Variants in DDC observed in about 807,000 individuals in gnomAD.
DDC encodes dopa decarboxylase.
DDC carries 43 observed loss-of-function variants against 60.0 expected under a neutral mutation model. The observed-to-expected ratio is 0.72, with a 90% CI of 0.56 to 0.92. The LOEUF is 0.92. DDC is among the 40% of genes least tolerant of loss of function. The pLI is 0.00. For synonymous variants in DDC, 232 were observed against 234.6 expected (o/e 0.99, Z 0.10); for missense variants, 573 against 620.2 (o/e 0.92, Z 0.81).
chr7:50,459,930 G>T (rs1432456617), intron 14 of DDC, among the ~76,000 whole-genome samples: 2 of 143,408 alleles, frequency 1.4e-5, no homozygotes, highest in East Asian at 2.1e-4. Flanking sequence ...GGAGGGAGGT[G>T]GGGGGGTCAG....
intron 1 of DDC, among the ~76,000 whole-genome samples, chr7:50,547,155 T>G (rs1201439201): frequency 1.3e-5 from 2 of 152,208 alleles, no homozygotes; most frequent in Non-Finnish European, 2.9e-5. Flanking sequence ...TAGCCTGTTT[T>G]TCTTTACTAA....
chr7:50,475,414 G>A (rs1021166435), intron 11 of DDC, among the ~76,000 whole-genome samples: 3 of 152,156 alleles, frequency 2.0e-5, no homozygotes, highest in Admixed American at 2.0e-4. Context: ...CTCCCTGGGT[G>A]TAGAGCTGGG....
chr7:50,503,733 A>G (rs1179027355), intron 7 of DDC, among the ~76,000 whole-genome samples: 2 of 152,224 alleles, frequency 1.3e-5, no homozygotes, highest in African/African-American at 2.4e-5. Flanking sequence ...GCAATTTTAC[A>G]TAACTTCTAT....
intron 6 of DDC, among the ~76,000 whole-genome samples, chr7:50,522,598 G>C (rs752970643): frequency 6.6e-6 from 1 of 152,174 alleles, no homozygotes; most frequent in Non-Finnish European, 1.5e-5. Flanking sequence ...AAATAGATCC[G>C]CACAAATGAA....
chr7:50,474,193 C>T (rs746830896), intron 11 of DDC, among the ~76,000 whole-genome samples: 1 of 152,246 alleles, frequency 6.6e-6, no homozygotes, highest in Non-Finnish European at 1.5e-5. Flanking sequence ...GTAGAGATAA[C>T]TAGTAGAGAT....
intron 12 of DDC, 88 bp from the exon 13 acceptor site, chr7:50,467,403 G>T: frequency 9.1e-7 from 1 of 1,098,594 alleles, no homozygotes. Context: ...GACTGCCCAT[G>T]TATAATTCAT....
intron 1 of DDC, among the ~76,000 whole-genome samples, chr7:50,555,142 A>T (rs2045138695): frequency 6.6e-6 from 1 of 152,128 alleles, no homozygotes; most frequent in East Asian, 1.9e-4. Context: ...GTCAGCAGGC[A>T]TGGAGGAGGA....
intron 13 of DDC, among the ~76,000 whole-genome samples, chr7:50,465,707 T>C (rs2042379992): frequency 6.6e-6 from 1 of 152,232 alleles, no homozygotes; most frequent in African/African-American, 2.4e-5. Context: ...GTGAATTATA[T>C]CTCAATAGAA....
chr7:50,509,668 T>C (rs1169124562), intron 6 of DDC, among the ~76,000 whole-genome samples: 1 of 152,222 alleles, frequency 6.6e-6, no homozygotes, highest in Non-Finnish European at 1.5e-5. Context: ...AATGAATGAA[T>C]GAATGAATGA....
In DDC at chr7:50,538,077, G is replaced by A. The variant is rs1175113975; in HGVS notation, c.316-98C>T. 3.5e-6 allele frequency: 5 copies of A among 1,439,216 alleles called. No individual in the cohort carries two copies. The East Asian group carries it at 6.9e-5, about 20-fold the overall frequency. 89.2% of individuals were successfully genotyped at this position (1,439,216 alleles called of 1,614,324 possible). ...GGATTTAACCTTCCACTAAAGCCCA[G>A]ATTAAAATCACCCAATCTCAGATGT... On this transcript the variant is annotated intron_variant, in intron 3 of 14. Transcript: ENST00000444124.
At chr7:50,485,414 A>G (rs2042861139) in intron 9 of DDC, among the ~76,000 whole-genome samples, 5 of 152,240 alleles carry the variant, frequency 3.3e-5, no homozygotes, top group African/African-American at 1.2e-4. Context: ...GAGTACAACC[A>G]AAGTGTTTAT....
At chr7:50,531,283 A>C (rs879402839) in intron 4 of DDC, among the ~76,000 whole-genome samples, 2 of 152,082 alleles carry the variant, frequency 1.3e-5, no homozygotes, top group Non-Finnish European at 2.9e-5. Context: ...CACTTCTCCT[A>C]TGTACCCCAT....
intron 9 of DDC, chr7:50,492,993 T>C (rs762337892): frequency 1.3e-6 from 2 of 1,598,020 alleles, no homozygotes; most frequent in South Asian, 1.1e-5. Flanking sequence ...ACATACGCAC[T>C]GGTTGTCTGG....
intron 6 of DDC, among the ~76,000 whole-genome samples, chr7:50,514,060 C>T (rs114862633): frequency 0.013 from 1,931 of 152,272 alleles, 49 homozygotes; most frequent in African/African-American, 0.044. Flanking sequence ...AGAACCCTCA[C>T]GGAGTCCATT....
At chr7:50,460,282 G>C (rs2042239518) in intron 14 of DDC, among the ~76,000 whole-genome samples, 1 of 144,330 alleles carries the variant, frequency 6.9e-6, no homozygotes, top group South Asian at 2.2e-4. Context: ...GGAGGTGAGG[G>C]GCGCCTCTGC....
chr7:50,508,355 G>A (rs959645494), intron 6 of DDC, among the ~76,000 whole-genome samples: 3 of 152,314 alleles, frequency 2.0e-5, no homozygotes, highest in Non-Finnish European at 4.4e-5. Flanking sequence ...GAGGGGTAGG[G>A]GACAGTTCAG....
intron 14 of DDC, among the ~76,000 whole-genome samples, chr7:50,459,297 C>G (rs1262233200): frequency 1.3e-5 from 2 of 152,196 alleles, no homozygotes; most frequent in Non-Finnish European, 2.9e-5. Flanking sequence ...GGAGTGATCT[C>G]GGCTCGCTAC....
intron 9 of DDC, among the ~76,000 whole-genome samples, chr7:50,486,412 G>T (rs778291823): frequency 6.6e-6 from 1 of 152,150 alleles, no homozygotes; most frequent in African/African-American, 2.4e-5. Context: ...CAGGGATGTG[G>T]GTGTTTGGGT....
intron 6 of DDC, among the ~76,000 whole-genome samples, chr7:50,526,664 G>A (rs373698102): frequency 4.6e-5 from 7 of 152,184 alleles, no homozygotes; most frequent in Non-Finnish European, 7.4e-5. Context: ...AATATCAATC[G>A]TCACACTGGA....
Sources: gnomAD v4.1 joint callset for allele counts (sites outside exome capture counted in the v4.1 genomes callset) on GRCh38, gnomAD v4.1.1 for gene constraint, MANE v1.5 for transcripts, NCBI Gene and HGNC (gene_info 2026-07-23, HGNC 2026-07-21) for gene names.